The following ACYP2 variants were observed in gnomAD, a reference collection of about 807,000 sequenced individuals.
The protein encoded by ACYP2 is acylphosphatase-2.
Under a neutral mutation model 11.2 loss-of-function variants are expected in ACYP2, and 12 were observed. The ratio of observed to expected loss-of-function variants is 1.08; its 90% confidence interval spans 0.69 to 1.74. ACYP2 has a LOEUF of 1.74. ACYP2 is among the 40% of genes most tolerant of loss of function. The probability of loss-of-function intolerance (pLI) is 0.00; values close to 1 mark genes in which losing one functional copy is unlikely to be tolerated. For synonymous variants in ACYP2, 43 were observed against 32.2 expected, an observed-to-expected ratio of 1.33 and a Z score of -1.13; for missense variants, 134 against 101.9, an observed-to-expected ratio of 1.31 and a Z score of -1.35.
chr2:54,285,847 A>C (rs1451326808), intron 6 of ACYP2, among the ~76,000 whole-genome samples: 1 of 152,188 alleles, frequency 6.6e-6, no homozygotes, highest in African/African-American at 2.4e-5. Context: ...TTGGAACTTT[A>C]GCATCCATCT....
chr2:54,194,271 C>T (rs955943600), intron 6 of ACYP2, among the ~76,000 whole-genome samples: 11 of 152,132 alleles, frequency 7.2e-5, no homozygotes, highest in Non-Finnish European at 1.3e-4. Flanking sequence ...AACTCCTGAC[C>T]TCAAGTGATC....
At chr2:54,133,568 C>T (rs1681052853) in intron 4 of ACYP2, among the ~76,000 whole-genome samples, 1 of 152,250 alleles carries the variant, frequency 6.6e-6, no homozygotes, top group South Asian at 2.1e-4. Context: ...TGTTTCTTTA[C>T]TTAGGCCTAT....
intron 2 of ACYP2, among the ~76,000 whole-genome samples, chr2:54,042,750 G>A (rs1240617323): frequency 2.0e-5 from 3 of 152,110 alleles, no homozygotes; most frequent in Non-Finnish European, 1.5e-5. Context: ...TCAGCAGGCC[G>A]AAAGAGAGGC....
chr2:54,016,874 C>T (rs2112121), intron 2 of ACYP2, among the ~76,000 whole-genome samples: 69,095 of 151,298 alleles, frequency 0.46, 15,942 homozygotes, highest in South Asian at 0.54. Flanking sequence ...TACAGGCGCC[C>T]GCCACCACGC....
chr2:54,198,497 G>A (rs763609586), intron 6 of ACYP2, among the ~76,000 whole-genome samples: 1 of 151,412 alleles, frequency 6.6e-6, no homozygotes, highest in Admixed American at 6.6e-5. Flanking sequence ...AAAAAGCAGG[G>A]GGAAGAGAGT....
intron 6 of ACYP2, among the ~76,000 whole-genome samples, chr2:54,156,370 G>A (rs1682429461): frequency 6.6e-6 from 1 of 152,114 alleles, no homozygotes; most frequent in Non-Finnish European, 1.5e-5. Flanking sequence ...TATCACCTAG[G>A]TATTAAGCCC....
At position 54,039,634 on chromosome 2, in the gene ACYP2, C is replaced by T. The variant is rs139627660; in HGVS notation, c.63-11324C>T. ...TAGAGATGGGGTTTCATCATGTTGC[C>T]CAAGCTGGTCTCGAACTCCTCGATC... On this transcript the variant is annotated intron_variant, in intron 2 of 6. Transcript: ENST00000607452. Among the ~76,000 whole-genome samples, 134 of 152,080 alleles carry T rather than the reference C, an allele frequency of 8.8e-4. 6 individuals are homozygous for T. The East Asian group carries it at 0.021, about 24-fold the overall frequency.
intron 4 of ACYP2, chr2:54,065,733 A>G (rs1038761176): frequency 5.2e-6 from 2 of 382,678 alleles, no homozygotes; most frequent in African/African-American, 4.1e-5. Flanking sequence ...AGTGATATGA[A>G]GCATCTCATT....
chr2:54,184,970 C>T (rs1414824579), intron 6 of ACYP2, among the ~76,000 whole-genome samples: 5 of 151,854 alleles, frequency 3.3e-5, no homozygotes, highest in African/African-American at 9.7e-5. Flanking sequence ...CTCAGCCTCC[C>T]GAGTAGCTGG....
rs1678273204 is a variant in ACYP2, at chr2:54,092,220, G to A, written c.277+34860G>A. 1.3e-5 allele frequency among the ~76,000 whole-genome samples: 2 copies of A among 152,164 alleles called. 1 individual carries two copies. The highest frequency in any genetic ancestry group is 4.1e-4 in the South Asian group (2 of 4,832). On this transcript the variant is annotated intron_variant, in intron 4 of 6. Transcript: ENST00000607452. ...TGCTGGGGAACAATGGAATAGAGCT[G>A]TCTTATAGGCACTTTCATTTACAAG...
At chr2:54,236,626 A>G (rs547820445) in intron 6 of ACYP2, among the ~76,000 whole-genome samples, 18 of 152,322 alleles carry the variant, frequency 1.2e-4, no homozygotes, top group South Asian at 2.1e-4. Context: ...ATAATGATCT[A>G]TGCATATTTG....
intron 2 of ACYP2, among the ~76,000 whole-genome samples, chr2:54,010,484 CAA>C (rs11301218): frequency 1.1e-3 from 153 of 143,632 alleles, no homozygotes; most frequent in African/African-American, 1.9e-3. Flanking sequence ...AACTCTGTCT[CAA>C]AAAAAAAAAA....
rs1291740346 is a variant in ACYP2, at chr2:54,062,038, G to T, written c.277+4678G>T. Among the ~76,000 whole-genome samples, 3 of 152,176 alleles carry T rather than the reference G, an allele frequency of 2.0e-5. No individual in the cohort carries two copies. The South Asian group carries it at 6.2e-4, about 32-fold the overall frequency. On this transcript the variant is annotated intron_variant, in intron 4 of 6. Transcript: ENST00000607452. Reference sequence around the variant, plus strand: ...GGCTTTAAAGTGTTTTGCGTAAGTTGCATTGCCTCTGAATTCCATTTCAGG... The same window carrying T: ...GGCTTTAAAGTGTTTTGCGTAAGTTTCATTGCCTCTGAATTCCATTTCAGG...
rs1411253150 is a variant in ACYP2 at position 54,256,178 on chromosome 2, G to C, written c.405-48510G>C. 1.9e-6 allele frequency: 3 copies of C among 1,590,094 alleles called. No homozygotes were observed. In the African/African-American group the frequency reaches 4.0e-5, roughly 21 times the overall value. On this transcript the variant is annotated intron_variant, in intron 6 of 6. Transcript: ENST00000607452. Reference sequence around the variant, plus strand: ...TTGGTAGCGGCCAGGGCAGCAGTGGGTAGAGGCCAGGCCAGAGGTAGGTAG... The same window carrying C: ...TTGGTAGCGGCCAGGGCAGCAGTGGCTAGAGGCCAGGCCAGAGGTAGGTAG...
At chr2:54,184,646 T>C (rs1683892056) in intron 6 of ACYP2, among the ~76,000 whole-genome samples, 1 of 152,128 alleles carries the variant, frequency 6.6e-6, no homozygotes, top group Non-Finnish European at 1.5e-5. Flanking sequence ...ACAAATATGA[T>C]AAATATAATT....
At chr2:54,003,160 C>T (rs1672882616) in intron 2 of ACYP2, among the ~76,000 whole-genome samples, 1 of 152,016 alleles carries the variant, frequency 6.6e-6, no homozygotes, top group African/African-American at 2.4e-5. Flanking sequence ...TGTTGGCAGG[C>T]TGGTCTCGAA....
At chr2:53,996,217 T>C (rs1260273310) in intron 2 of ACYP2, among the ~76,000 whole-genome samples, 1 of 152,122 alleles carries the variant, frequency 6.6e-6, no homozygotes, top group African/African-American at 2.4e-5. Context: ...GATTCCTTGA[T>C]AGATACATCC....
intron 2 of ACYP2, among the ~76,000 whole-genome samples, chr2:53,989,650 C>T (rs56726308): frequency 0.011 from 1,609 of 152,254 alleles, 35 homozygotes; most frequent in African/African-American, 0.037. Context: ...TCTACTAACT[C>T]CCCTGACAGC....
intron 2 of ACYP2, among the ~76,000 whole-genome samples, chr2:54,019,451 A>G (rs1477361932): frequency 6.6e-6 from 1 of 151,304 alleles, no homozygotes; most frequent in East Asian, 2.0e-4. Flanking sequence ...ATCATGGTTC[A>G]TTGCAACCTC....
Sources: allele counts gnomAD v4.1 joint callset (sites outside exome capture counted in the v4.1 genomes callset), GRCh38; gene constraint gnomAD v4.1.1; transcripts MANE v1.5; gene names NCBI Gene and HGNC (gene_info 2026-07-23, HGNC 2026-07-21).